The following GALK2 variants were observed in gnomAD, a reference collection of about 807,000 sequenced individuals.
The protein encoded by GALK2 is galactokinase 2.
Under a neutral mutation model 52.4 loss-of-function variants are expected in GALK2, and 36 were observed. That is an observed-to-expected ratio of 0.69 (90% CI 0.53 to 0.91). GALK2 has a LOEUF of 0.91. Ranked by LOEUF, GALK2 falls within the 40% of genes least tolerant of loss-of-function variation. The pLI is 0.00. For synonymous variants in GALK2, 176 were observed against 199.1 expected (o/e 0.88, Z 0.98); for missense variants, 579 against 559.1 (o/e 1.04, Z -0.36).
At chr15:49,319,908 C>A in intron 9 of GALK2, 103 bp downstream of exon 9, 1 of 974,290 alleles carries the variant, frequency 1.0e-6, no homozygotes, top group Non-Finnish European at 1.5e-6. Context: ...GAAGATCATT[C>A]CCCACTTCCT....
chr15:49,215,107 C>CT (rs2089270283), intron 2 of GALK2, among the ~76,000 whole-genome samples: 1 of 152,178 alleles, frequency 6.6e-6, no homozygotes. Flanking sequence ...ATTGGAGCCC[C>CT]TTTATATGTT....
At chr15:49,192,485 GTATATATATATATATATATA>G (rs58230206) in intron 1 of GALK2, among the ~76,000 whole-genome samples, 5 of 102,972 alleles carry the variant, frequency 4.9e-5, no homozygotes, top group Middle Eastern at 5.1e-3. Context: ...ATATATATAT[GTATATATATATATATATATA>G]TATATATATA....
chr15:49,247,399 A>G (rs1440826955), intron 5 of GALK2, among the ~76,000 whole-genome samples: 2 of 152,174 alleles, frequency 1.3e-5, no homozygotes, highest in Admixed American at 6.5e-5. Flanking sequence ...GTATTATACC[A>G]TACCCCTGAC....
At chr15:49,366,562 G>A (rs1307438446) in intron 3 of GALK2, 17 of 1,593,980 alleles carry the variant, frequency 1.1e-5, no homozygotes, top group Non-Finnish European at 1.4e-5. Context: ...AAAGCATGCA[G>A]TAGTCCTTGG....
At chr15:49,170,734 T>G (rs1013463285) in intron 1 of GALK2, among the ~76,000 whole-genome samples, 1 of 152,206 alleles carries the variant, frequency 6.6e-6, no homozygotes, top group Admixed American at 6.5e-5. Context: ...TTTAAAAGTC[T>G]TCTTTCTAAA....
At chr15:49,358,694 A>T (rs2043620218) in intron 3 of GALK2, among the ~76,000 whole-genome samples, 1 of 151,114 alleles carries the variant, frequency 6.6e-6, no homozygotes. Flanking sequence ...TGCCATCCCC[A>T]TCAAGCTACC....
chr15:49,187,664 C>T lies in GALK2; in HGVS notation c.54-13498C>T, dbSNP rs2086456616. 4.6e-5 allele frequency among the ~76,000 whole-genome samples: 7 copies of T among 152,124 alleles called. No homozygotes were observed. In the South Asian group the frequency reaches 1.4e-3, roughly 31 times the overall value. ...AAGAGAAAGTCTTTCCCACTCTTCC[C>T]TCCTCTTTTCTTAAGCAGAAGTATT... On this transcript the variant is annotated intron_variant, in intron 1 of 9. Coordinates refer to ENST00000560031, the MANE Select transcript of GALK2 (RefSeq NM_002044.4).
intron 5 of GALK2, among the ~76,000 whole-genome samples, chr15:49,265,855 C>G (rs963795544): frequency 2.0e-5 from 3 of 152,100 alleles, no homozygotes; most frequent in Admixed American, 6.5e-5. Context: ...TTCTTGCTAG[C>G]AAGGAAAAAT....
chr15:49,244,380 G>T (rs2091247149), intron 5 of GALK2, among the ~76,000 whole-genome samples: 1 of 152,206 alleles, frequency 6.6e-6, no homozygotes, highest in East Asian at 1.9e-4. Flanking sequence ...AAACTTGAGT[G>T]TTATAGAAAA....
At position 49,283,305 on chromosome 15, in the gene GALK2, T is replaced by C. The variant is rs559612213; in HGVS notation, c.604-261T>C. Among the ~76,000 whole-genome samples, 77 of 152,316 alleles carry C rather than the reference T, an allele frequency of 5.1e-4. 1 individual carries two copies. Among genetic ancestry groups the C allele is most frequent in the African/African-American group, 1.8e-3 (75 of 41,568 alleles). ...TATAGCATCTGTGCTTTGCTACCAT[T>C]GTAACACAACTTGGAAAGGTATTTG... On this transcript the variant is annotated intron_variant, in intron 6 of 9. Transcript: ENST00000560031.
chr15:49,361,837 G>C (rs907335312), intron 3 of GALK2, among the ~76,000 whole-genome samples: 1 of 152,084 alleles, frequency 6.6e-6, no homozygotes, highest in Non-Finnish European at 1.5e-5. Flanking sequence ...TTTCCACAAC[G>C]GTTGAACTAA....
At position 49,283,571 on chromosome 15, in the gene GALK2, G is replaced by T. The variant is rs753501002; in HGVS notation, c.609G>T (p.Lys203Asn). The T allele has an allele frequency of 6.2e-7, 1 of 1,610,254 alleles. No individual in the cohort carries two copies. Among genetic ancestry groups the T allele is most frequent in the African/African-American group, 1.3e-5 (1 of 74,804 alleles). ...ISFLAEEGTA[K>N]LIEFSPLRAT... The stretch of plus-strand genomic sequence containing the variant: ...TTTCATTTTTCTTCTAACAGGCCAA[G>T]TTGATAGAATTTAGTCCTCTGAGGG... The change falls in exon 7 of 10, where the codon AAG becomes AAT. Residue 203 changes from lysine (K) to asparagine (N), a missense_variant. Physicochemically the swap from Lys to Asn is moderately conservative, Grantham distance 94. Transcript: ENST00000560031.
At position 49,201,229 on chromosome 15, in the gene GALK2, C is replaced by T; in HGVS notation, c.121C>T (p.Pro41Ser). The change falls in exon 2 of 10, where the codon CCA becomes TCA. Residue 41 changes from proline (P) to serine (S), a missense_variant. Physicochemically the swap from Pro to Ser is moderately conservative, Grantham distance 74. Transcript: ENST00000560031. ...TATTCCCAAGTTTTATGTTCGAGCA[C>T]CAGGAAGAGTCAACATAATAGGTAT... is the stretch of plus-strand genomic sequence containing the variant. ...GSIPKFYVRA[P>S]GRVNIIGEHI... 2 of 1,605,898 alleles carry T rather than the reference C, an allele frequency of 1.2e-6. No homozygotes were observed. Among genetic ancestry groups the T allele is most frequent in the East Asian group, 4.5e-5 (2 of 44,754 alleles).
chr15:49,235,960 C>T lies in GALK2; in HGVS notation c.357+19C>T. Reference sequence around the variant, plus strand: ...AATTCAGGTAAATTGGTTTATAAGGCACTTACTACCAGTTGAGATTATCAT... The same window carrying T: ...AATTCAGGTAAATTGGTTTATAAGGTACTTACTACCAGTTGAGATTATCAT... On this transcript the variant is annotated intron_variant, in intron 4 of 9. Coordinates refer to ENST00000560031, the MANE Select transcript of GALK2 (RefSeq NM_002044.4). 1 of 1,339,356 alleles carries T rather than the reference C, an allele frequency of 7.5e-7. No homozygotes were observed. Among genetic ancestry groups the T allele is most frequent in the Non-Finnish European group, 1.1e-6 (1 of 932,196 alleles). The allele number at this position is 1,339,356 out of a possible 1,614,324, so 83.0% of individuals were successfully genotyped here.
chr15:49,181,495 A>G (rs6493353), intron 1 of GALK2, among the ~76,000 whole-genome samples: 9,574 of 149,488 alleles, frequency 0.064, 697 homozygotes, highest in African/African-American at 0.17. Flanking sequence ...TTTTTTAAAA[A>G]AAAGACTTTT....
chr15:49,158,830 G>GTTGT (rs75474770), intron 1 of GALK2: 89,028 of 151,608 alleles, frequency 0.59, 26,278 homozygotes, highest in Middle Eastern at 0.66. Context: ...TCAATATTTG[G>GTTGT]TTGTTTATAT....
At chr15:49,302,364 GAC>G (rs1248004393) in intron 8 of GALK2, among the ~76,000 whole-genome samples, 2 of 152,124 alleles carry the variant, frequency 1.3e-5, no homozygotes, top group Non-Finnish European at 2.9e-5. Context: ...GAAGAGATAA[GAC>G]TGTGTGGCAT....
At chr15:49,217,786 A>G (rs1049293456) in intron 3 of GALK2, among the ~76,000 whole-genome samples, 12 of 152,354 alleles carry the variant, frequency 7.9e-5, no homozygotes, top group African/African-American at 2.9e-4. Context: ...ATGCCCTAGC[A>G]TATAAAACAG....
chr15:49,313,925 G>GC (rs1243996490), intron 8 of GALK2, among the ~76,000 whole-genome samples: 1 of 151,974 alleles, frequency 6.6e-6, no homozygotes, highest in Non-Finnish European at 1.5e-5. Context: ...GAGGCCACTA[G>GC]CCCTTGCATG....
Sources: allele counts gnomAD v4.1 joint callset (sites outside exome capture counted in the v4.1 genomes callset), GRCh38; gene constraint gnomAD v4.1.1; transcripts MANE v1.5; gene names NCBI Gene and HGNC (gene_info 2026-07-23, HGNC 2026-07-21).